Variants in WLS observed in about 807,000 individuals in gnomAD.
WLS encodes protein wntless homolog.
WLS carries 23 observed loss-of-function variants against 62.8 expected under a neutral mutation model. The observed-to-expected ratio is 0.37, with a 90% confidence interval of 0.26 to 0.52. WLS has a LOEUF of 0.52. Ranked by LOEUF, WLS falls within the 20% of genes least tolerant of loss-of-function variation. The pLI is 0.92. For missense variants in WLS, 615 were observed against 697.3 expected (o/e 0.88, Z 1.33); for synonymous variants, 246 against 244.1 (o/e 1.01, Z -0.07).
At chr1:68,228,163 T>C in intron 1 of WLS, 1 of 395,782 alleles carries the variant, frequency 2.5e-6, no homozygotes, top group East Asian at 7.3e-5. Context: ...AGTTACCTTT[T>C]GGAAGAAACA....
Position 68,194,056 on chromosome 1 carries a change from G to A in WLS, c.278C>T (p.Ser93Phe). Residue 93 changes from serine to phenylalanine, a missense_variant, in exon 2 of 12, where the codon TCT becomes TTT. Physicochemically the swap from Ser to Phe is radical, Grantham distance 155 (BLOSUM62 -2). Coordinates refer to ENST00000262348, the MANE Select transcript of WLS (RefSeq NM_024911.7). ...REIEANDIVF[S>F]VHIPLPHMEM... ...CATGTGGGGGAGGGGAATGTGAACAGAAAACACGATGTCATTGGCTTCAAT... is the reference window on the plus strand; with the variant it reads ...CATGTGGGGGAGGGGAATGTGAACAAAAAACACGATGTCATTGGCTTCAAT... The A allele has an allele frequency of 6.2e-7, 1 of 1,614,154 alleles. No individual in the cohort carries two copies. The highest frequency in any genetic ancestry group is 8.5e-7 in the Non-Finnish European group (1 of 1,180,012).
intron 2 of WLS, chr1:68,162,209 G>C (rs114890255): frequency 6.9e-7 from 1 of 1,453,068 alleles, no homozygotes; most frequent in Admixed American, 1.7e-5. Context: ...CGCACATAGA[G>C]GGCTGCCCCT....
chr1:68,120,934 T>C (rs1310335737), downstream of WLS, among the ~76,000 whole-genome samples: 1 of 152,232 alleles, frequency 6.6e-6, no homozygotes, highest in Non-Finnish European at 1.5e-5. Flanking sequence ...TTAACCTAAC[T>C]GGTGTATGGG....
chr1:68,120,928 C>T (rs1347425564), downstream of WLS, among the ~76,000 whole-genome samples: 3 of 152,174 alleles, frequency 2.0e-5, no homozygotes, highest in Admixed American at 6.5e-5. Context: ...TGTCCCTTAA[C>T]CTAACTGGTG....
intron 1 of WLS, chr1:68,202,659 T>C (rs568543209): frequency 6.6e-6 from 1 of 152,338 alleles, no homozygotes; most frequent in Admixed American, 6.5e-5. Flanking sequence ...AGTTTTGACT[T>C]TGGGCCAGTG....
intron 11 of WLS, among the ~76,000 whole-genome samples, chr1:68,133,272 T>C (rs1319156517): frequency 6.6e-6 from 1 of 152,182 alleles, no homozygotes; most frequent in African/African-American, 2.4e-5. Flanking sequence ...ACTGCCGCTA[T>C]GGTCCACCAG....
At chr1:68,226,710 G>A (rs966475157) in intron 1 of WLS, among the ~76,000 whole-genome samples, 4 of 152,032 alleles carry the variant, frequency 2.6e-5, no homozygotes, top group African/African-American at 4.8e-5. Flanking sequence ...TACCAACCCC[G>A]TGTCGGCATG....
chr1:68,168,972 T>C (rs1647105235), intron 2 of WLS, among the ~76,000 whole-genome samples: 1 of 152,258 alleles, frequency 6.6e-6, no homozygotes. Context: ...TTTCTTAAGA[T>C]GCCCTACAGG....
chr1:68,162,506 C>T, intron 2 of WLS: 3 of 1,613,658 alleles, frequency 1.9e-6, no homozygotes, highest in Non-Finnish European at 2.5e-6. Context: ...GCTCGAACTG[C>T]AACCGCCTAC....
intron 3 of WLS, among the ~76,000 whole-genome samples, chr1:68,158,032 A>C (rs1646922274): frequency 6.6e-6 from 1 of 152,184 alleles, no homozygotes; most frequent in African/African-American, 2.4e-5. Context: ...TTTGTCTATC[A>C]TTCATTTCTA....
At chr1:68,113,245 G>A (rs1646251306) in intron 11 of WLS, among the ~76,000 whole-genome samples, 1 of 152,208 alleles carries the variant, frequency 6.6e-6, no homozygotes, top group Non-Finnish European at 1.5e-5. Context: ...TGTTGAGTCA[G>A]ATTTATGAGT....
chr1:68,202,080 C>A (rs1649049365), intron 1 of WLS: 1 of 152,196 alleles, frequency 6.6e-6, no homozygotes, highest in Admixed American at 6.5e-5. Flanking sequence ...ATCTACGTGG[C>A]AAACAAGCGC....
At chr1:68,193,749 T>C in intron 2 of WLS, 3 of 606,064 alleles carry the variant, frequency 4.9e-6, no homozygotes, top group Non-Finnish European at 8.3e-6. Context: ...ATCTGTAAAA[T>C]GAAATAATAA....
intron 11 of WLS, among the ~76,000 whole-genome samples, chr1:68,130,306 A>T (rs1416253527): frequency 4.6e-5 from 7 of 152,130 alleles, no homozygotes; most frequent in Admixed American, 4.6e-4. Context: ...AGGCCTACGT[A>T]CTTCCATCCT....
intron 2 of WLS, among the ~76,000 whole-genome samples, chr1:68,170,150 G>A (rs920922187): frequency 8.9e-5 from 11 of 123,994 alleles, no homozygotes; most frequent in African/African-American, 3.2e-4. Flanking sequence ...GTCAATGCTG[G>A]CTACTATTTC....
chr1:68,115,739 G>A (rs900768546), intron 11 of WLS, among the ~76,000 whole-genome samples: 4 of 151,524 alleles, frequency 2.6e-5, no homozygotes, highest in African/African-American at 9.7e-5. Context: ...ATTTCTGAAG[G>A]CATTTTCAAA....
Position 68,125,591 on chromosome 1 carries a change from A to C in WLS, c.*635T>G, listed in dbSNP as rs1310453268. The C allele has an allele frequency of 3.0e-6, 3 of 985,362 alleles. No individual in the cohort carries two copies. In the African/African-American group the frequency reaches 5.2e-5, roughly 17 times the overall value. The allele number at this position is 985,362 out of a possible 1,614,324, so 61.0% of individuals were successfully genotyped here. On this transcript the variant is annotated 3_prime_UTR_variant, in exon 12 of 12. Coordinates refer to ENST00000262348, the MANE Select transcript of WLS (RefSeq NM_024911.7). The stretch of plus-strand genomic sequence containing the variant: ...AAAACCCACATCCAACAGATTGGTT[A>C]GTATTAGATACACAGATTTGGTTTC...
downstream of WLS, among the ~76,000 whole-genome samples, chr1:68,122,127 G>C (rs931155599): frequency 6.6e-6 from 1 of 152,214 alleles, no homozygotes; most frequent in Non-Finnish European, 1.5e-5. Flanking sequence ...TTGGAAGCCT[G>C]ATTCAATTTG....
At chr1:68,131,906 A>G (rs1474178152) in intron 11 of WLS, among the ~76,000 whole-genome samples, 3 of 152,228 alleles carry the variant, frequency 2.0e-5, no homozygotes, top group Admixed American at 6.5e-5. Flanking sequence ...GGGAGAAAGT[A>G]TCCATCTACA....
Sources: gnomAD v4.1 joint callset for allele counts (sites outside exome capture counted in the v4.1 genomes callset) on GRCh38, gnomAD v4.1.1 for gene constraint, MANE v1.5 for transcripts, NCBI Gene and HGNC (gene_info 2026-07-23, HGNC 2026-07-21) for gene names.